FNDC3A: variants seen among roughly 807,000 people sequenced by gnomAD.
FNDC3A encodes fibronectin type III domain containing 3A, also known as fibronectin type-III domain-containing protein 3A.
Under a neutral mutation model 148.9 loss-of-function variants are expected in FNDC3A, and 32 were observed. The ratio of observed to expected loss-of-function variants is 0.21; its 90% CI spans 0.16 to 0.29. FNDC3A has a LOEUF of 0.29. FNDC3A is among the 10% of genes least tolerant of loss of function. The probability of loss-of-function intolerance (pLI) is 1.00; values close to 1 mark genes in which losing one functional copy is unlikely to be tolerated. For synonymous variants in FNDC3A, 472 were observed against 473.6 expected (o/e 1.00, Z 0.04); for missense variants, 1,191 against 1,452.8 (o/e 0.82, Z 2.93).
chr13:49,187,548 C>T lies in FNDC3A; in HGVS notation c.1825+358C>T, dbSNP rs1451692879. 7 of 1,610,530 alleles carry T rather than the reference C, an allele frequency of 4.3e-6. No individual in the cohort carries two copies. The African/African-American group carries it at 8.1e-5, about 19-fold the overall frequency. ...CAAATGCAGATCCAAAGTACAAACA[C>T]ATCTTAGCTAGTAACGACCACTTGT... On this transcript the variant is annotated intron_variant, in intron 16 of 25. Transcript: ENST00000492622.
intron 2 of FNDC3A, among the ~76,000 whole-genome samples, chr13:49,037,031 T>C (rs1424788569): frequency 1.3e-5 from 2 of 152,106 alleles, no homozygotes; most frequent in Admixed American, 1.3e-4. Flanking sequence ...ATATGAAAAG[T>C]AAAGAGTATG....
chr13:49,029,518 A>C (rs1873958358), intron 2 of FNDC3A, among the ~76,000 whole-genome samples: 1 of 152,234 alleles, frequency 6.6e-6, no homozygotes, highest in African/African-American at 2.4e-5. Context: ...AGCTATAAAA[A>C]GAAGATAAAA....
At chr13:49,059,013 AAGTG>A (rs1214973807) in intron 2 of FNDC3A, among the ~76,000 whole-genome samples, 2 of 152,210 alleles carry the variant, frequency 1.3e-5, no homozygotes, top group Non-Finnish European at 2.9e-5. Context: ...GTAAGGTACA[AAGTG>A]AGCTCAGAAC....
chr13:49,041,850 A>G (rs894964608), intron 2 of FNDC3A, among the ~76,000 whole-genome samples: 2 of 151,562 alleles, frequency 1.3e-5, no homozygotes, highest in African/African-American at 2.4e-5. Context: ...AAGAAAACCT[A>G]TTATCAGCCA....
At chr13:49,154,023 A>G (rs1269310362) in intron 8 of FNDC3A, among the ~76,000 whole-genome samples, 11 of 116,140 alleles carry the variant, frequency 9.5e-5, no homozygotes, top group Admixed American at 4.0e-4. Flanking sequence ...GTTCCATATG[A>G]ACTTTAAAGT....
chr13:49,176,929 T>G (rs181724400), intron 13 of FNDC3A, among the ~76,000 whole-genome samples: 26 of 152,282 alleles, frequency 1.7e-4, no homozygotes, highest in Non-Finnish European at 2.6e-4. Context: ...GCCTTTCAAG[T>G]AGCTGGGACT....
At chr13:49,097,036 A>G (rs1270949670) in intron 3 of FNDC3A, among the ~76,000 whole-genome samples, 2 of 152,112 alleles carry the variant, frequency 1.3e-5, no homozygotes, top group Admixed American at 1.3e-4. Flanking sequence ...ATGGGAGAGT[A>G]TCTGAAAATG....
At chr13:49,100,421 A>C (rs2137836698) in intron 3 of FNDC3A, among the ~76,000 whole-genome samples, 1 of 152,250 alleles carries the variant, frequency 6.6e-6, no homozygotes, top group Non-Finnish European at 1.5e-5. Context: ...CCTGAAAGAT[A>C]AATCCCTATC....
Position 49,184,186 on chromosome 13 carries a change from G to A in FNDC3A, c.1618-1778G>A, listed in dbSNP as rs939729237. Among the ~76,000 whole-genome samples the A allele has an allele frequency of 3.3e-5, 5 of 152,340 alleles. No homozygotes were observed. In the South Asian group the frequency reaches 8.3e-4, roughly 25 times the overall value. On this transcript the variant is annotated intron_variant, in intron 14 of 25. Coordinates refer to ENST00000492622, the MANE Select transcript of FNDC3A (RefSeq NM_001079673.2). ...GCTAGCACAAAGACCCTACAGTGGAGTTTCAAGAGGTAGTTAAGGATGAAA... is the reference window on the plus strand; with the variant it reads ...GCTAGCACAAAGACCCTACAGTGGAATTTCAAGAGGTAGTTAAGGATGAAA...
At chr13:49,156,754 G>A (rs1461776948) in intron 8 of FNDC3A, among the ~76,000 whole-genome samples, 4 of 141,434 alleles carry the variant, frequency 2.8e-5, no homozygotes, top group African/African-American at 1.1e-4. Flanking sequence ...TGTCTGTAAA[G>A]TATTTTATTT....
chr13:49,159,563 G>A (rs1338031835), intron 8 of FNDC3A, among the ~76,000 whole-genome samples: 2 of 152,160 alleles, frequency 1.3e-5, no homozygotes, highest in South Asian at 2.1e-4. Flanking sequence ...GTCATCTGCA[G>A]ACAGGGACAA....
At chr13:49,021,247 G>T (rs1233604651) in intron 2 of FNDC3A, among the ~76,000 whole-genome samples, 4 of 152,108 alleles carry the variant, frequency 2.6e-5, no homozygotes, top group Admixed American at 1.3e-4. Context: ...AGCTTTTCCT[G>T]TCCAAGTTTT....
chr13:49,198,482 G>T lies in FNDC3A; in HGVS notation c.2895G>T (p.Gln965His). Residue 965 changes from glutamine to histidine, a missense_variant, in exon 23 of 26, where the codon CAG (glutamine) becomes CAT (histidine). By Grantham distance (24) the Gln-to-His change is conservative. Coordinates refer to ENST00000492622, the MANE Select transcript of FNDC3A (RefSeq NM_001079673.2). ...TGGAATGTGTTGCCTTTAGCCACCA[G>T]AACCTTAAGCTGAAATGGGGAGAAG... ...PRLECVAFSHQNLKLKWGEGT... is the reference protein window; with the variant it reads ...PRLECVAFSHHNLKLKWGEGT... 2 of 1,614,190 alleles carry T rather than the reference G, an allele frequency of 1.2e-6. No homozygotes were observed. Among genetic ancestry groups the T allele is most frequent in the South Asian group, 2.2e-5 (2 of 91,082 alleles).
At chr13:49,023,073 T>C (rs527447577) in intron 2 of FNDC3A, among the ~76,000 whole-genome samples, 35 of 152,198 alleles carry the variant, frequency 2.3e-4, no homozygotes, top group African/African-American at 7.2e-4. Context: ...GCACTGGTTC[T>C]TGTTTTAAGA....
chr13:49,072,712 G>A (rs1254555136), intron 2 of FNDC3A, among the ~76,000 whole-genome samples: 1 of 152,060 alleles, frequency 6.6e-6, no homozygotes, highest in African/African-American at 2.4e-5. Context: ...TCAAACTCCT[G>A]GGTTCAAGCA....
At chr13:49,188,691 G>T in intron 17 of FNDC3A, 58 bp downstream of exon 17, 1 of 1,037,252 alleles carries the variant, frequency 9.6e-7, no homozygotes, top group South Asian at 1.3e-5. Context: ...AATGGGGTAG[G>T]ATCACCAGGT....
Position 49,092,002 on chromosome 13 carries a change from A to G in FNDC3A, c.175+16638A>G, listed in dbSNP as rs554362016. On this transcript the variant is annotated intron_variant, in intron 3 of 25. Coordinates refer to ENST00000492622, the MANE Select transcript of FNDC3A (RefSeq NM_001079673.2). The stretch of plus-strand genomic sequence containing the variant: ...GTAACGGGCCAAGAGCTGTCTCTCC[A>G]AAGGAGAGTTGTTATCTGCGGAAGA... 2.0e-5 allele frequency among the ~76,000 whole-genome samples: 3 copies of G among 152,310 alleles called. 1 individual carries two copies. The South Asian group carries it at 6.2e-4, about 32-fold the overall frequency.
At chr13:48,986,393 T>TTG (rs1810241476) in intron 1 of FNDC3A, among the ~76,000 whole-genome samples, 1 of 108,562 alleles carries the variant, frequency 9.2e-6, no homozygotes, top group Non-Finnish European at 1.9e-5. Flanking sequence ...TTGTTTTTTT[T>TTG]TTTTTTTTTT....
Position 49,045,703 on chromosome 13 carries a change from C to T in FNDC3A, c.100-29586C>T, listed in dbSNP as rs1875341996. ...AGAGAAACAACTTTGCCACCAATAGCTTGGACCTCTTGATTTTCAAAAACC... is the reference window on the plus strand; with the variant it reads ...AGAGAAACAACTTTGCCACCAATAGTTTGGACCTCTTGATTTTCAAAAACC... On this transcript the variant is annotated intron_variant, in intron 2 of 25. Coordinates refer to ENST00000492622, the MANE Select transcript of FNDC3A (RefSeq NM_001079673.2). The T allele has an allele frequency of 6.1e-6, 7 of 1,149,924 alleles. No individual in the cohort carries two copies. In the South Asian group the frequency reaches 8.7e-5, roughly 14 times the overall value. 71.2% of individuals were successfully genotyped at this position (1,149,924 alleles called of 1,614,324 possible).
Sources: allele counts gnomAD v4.1 joint callset (sites outside exome capture counted in the v4.1 genomes callset), GRCh38; gene constraint gnomAD v4.1.1; transcripts MANE v1.5; gene names NCBI Gene and HGNC (gene_info 2026-07-23, HGNC 2026-07-21).